ATOX1: variants seen among roughly 807,000 people sequenced by gnomAD.
ATOX1 encodes the protein antioxidant 1 copper chaperone.
In ATOX1, 4 loss-of-function variants were observed where a neutral mutation model predicts 7.3. The observed-to-expected ratio is 0.55, with a 90% CI of 0.27 to 1.25. The LOEUF (loss-of-function observed/expected upper bound fraction) is 1.25. Ranked by LOEUF, ATOX1 falls within the 50% of genes most tolerant of loss-of-function variation. The pLI is 0.12. For synonymous variants in ATOX1, 25 were observed against 28.7 expected, an observed-to-expected ratio of 0.87 and a Z score of 0.41; for missense variants, 68 against 81.6, an observed-to-expected ratio of 0.83 and a Z score of 0.64.
At chr5:151,752,287 A>C (rs1370572460) in intron 1 of ATOX1, 6 of 702,302 alleles carry the variant, frequency 8.5e-6, no homozygotes, top group Non-Finnish European at 1.6e-5. Context: ...TGTTATGTCT[A>C]CTCATTACCC....
chr5:151,748,588 G>A (rs912969955), intron 2 of ATOX1, among the ~76,000 whole-genome samples: 4 of 152,176 alleles, frequency 2.6e-5, no homozygotes, highest in East Asian at 1.9e-4. Context: ...TTGGCCAGGC[G>A]TGGTGGCTCA....
chr5:151,754,743 TG>T (rs1355431488), intron 1 of ATOX1, among the ~76,000 whole-genome samples: 6 of 151,964 alleles, frequency 3.9e-5, no homozygotes, highest in African/African-American at 1.5e-4. Context: ...CCAGCATTTT[TG>T]GGAGGCTGAG....
intron 1 of ATOX1, chr5:151,752,417 C>A: frequency 1.4e-6 from 1 of 696,736 alleles, no homozygotes; most frequent in Non-Finnish European, 2.6e-6. Flanking sequence ...GGATCCCCGG[C>A]TCCTAGTCTT....
chr5:151,757,477 G>A (rs908691771), intron 1 of ATOX1, among the ~76,000 whole-genome samples: 9 of 152,200 alleles, frequency 5.9e-5, no homozygotes, highest in South Asian at 4.1e-4. Context: ...AGACCCACAG[G>A]AAATGACACC....
At chr5:151,753,556 G>A (rs1253265619) in intron 1 of ATOX1, among the ~76,000 whole-genome samples, 1 of 152,162 alleles carries the variant, frequency 6.6e-6, no homozygotes, top group African/African-American at 2.4e-5. Flanking sequence ...TTGGAATCCT[G>A]GGTGTAGTGA....
rs201385831 is a variant in ATOX1 at position 151,756,466 on chromosome 5, CCTT to C, written c.6+2077_6+2079del. On this transcript the variant is annotated intron_variant, in intron 1 of 3. Coordinates refer to ENST00000313115, the MANE Select transcript of ATOX1 (RefSeq NM_004045.4). ...TTCTTTTCTTTCTCTCTCCTTCCTTCCTTTTTTTTTTTTCTTTTGAGACAGGGT... is the reference window on the plus strand; with the variant it reads ...TTCTTTTCTTTCTCTCTCCTTCCTTCTTTTTTTTTTCTTTTGAGACAGGGT... Among the ~76,000 whole-genome samples the C allele has an allele frequency of 5.5e-3, 836 of 150,762 alleles. 12 individuals are homozygous for C. The highest frequency in any genetic ancestry group is 0.02 in the African/African-American group (811 of 40,970).
intron 1 of ATOX1, among the ~76,000 whole-genome samples, chr5:151,754,997 A>AG (rs1561523078): frequency 1.3e-5 from 2 of 151,820 alleles, no homozygotes; most frequent in African/African-American, 4.8e-5. Context: ...AAAAAAAAAA[A>AG]AAAAGAAACA....
chr5:151,750,114 G>T (rs1408874646), intron 2 of ATOX1, among the ~76,000 whole-genome samples: 1 of 152,220 alleles, frequency 6.6e-6, no homozygotes, highest in South Asian at 2.1e-4. Flanking sequence ...GGCTGACTGA[G>T]CACTGGCATT....
chr5:151,746,856 T>C (rs1372294587), intron 2 of ATOX1, among the ~76,000 whole-genome samples: 1 of 151,910 alleles, frequency 6.6e-6, no homozygotes, highest in Non-Finnish European at 1.5e-5. Context: ...GCCTCAGCCT[T>C]TGGAGCAGCT....
At chr5:151,747,069 C>CTTT (rs202117404) in intron 2 of ATOX1, among the ~76,000 whole-genome samples, 1 of 136,694 alleles carries the variant, frequency 7.3e-6, no homozygotes, top group African/African-American at 2.7e-5. Flanking sequence ...AATATAGACA[C>CTTT]TTTTTTTTTT....
At chr5:151,752,425 C>T (rs2113183403) in intron 1 of ATOX1, 1 of 696,356 alleles carries the variant, frequency 1.4e-6, no homozygotes, top group Middle Eastern at 3.5e-4. Flanking sequence ...GGCTCCTAGT[C>T]TTCATGTAAG....
In ATOX1 at chr5:151,757,060, G is replaced by C. The variant is rs28917172; in HGVS notation, c.6+1486C>G. On this transcript the variant is annotated intron_variant, in intron 1 of 3. Coordinates refer to ENST00000313115, the MANE Select transcript of ATOX1 (RefSeq NM_004045.4). ...CCTGTGCTCTCGGGCATTTGTCTGA[G>C]AAAACTCTCAGGTAACACACTCTTC... Among the ~76,000 whole-genome samples, 960 of 152,266 alleles carry C rather than the reference G, an allele frequency of 6.3e-3. 16 individuals carry two copies. Among genetic ancestry groups the C allele is most frequent in the African/African-American group, 0.021 (876 of 41,542 alleles).
At chr5:151,749,522 G>C (rs1761917476) in intron 2 of ATOX1, among the ~76,000 whole-genome samples, 1 of 151,256 alleles carries the variant, frequency 6.6e-6, no homozygotes, top group South Asian at 2.1e-4. Flanking sequence ...GTGGTGGCGG[G>C]CACCTATAAT....
intron 1 of ATOX1, among the ~76,000 whole-genome samples, chr5:151,752,631 C>T (rs1235820177): frequency 6.7e-6 from 1 of 150,146 alleles, no homozygotes; most frequent in Non-Finnish European, 1.5e-5. Flanking sequence ...GGATCTTTTG[C>T]TTTGCTTTCA....
chr5:151,746,289 T>C lies in ATOX1; in HGVS notation c.*36A>G, dbSNP rs758528521. The C allele has an allele frequency of 6.2e-7, 1 of 1,610,522 alleles. No homozygotes were observed. The highest frequency in any genetic ancestry group is 1.1e-5 in the South Asian group (1 of 90,884). Reference sequence around the variant, plus strand: ...TGGGGCCTTACCCACCTGCCCCCTTTGGTCCATCCTGTGGGCTGTGGGGAC... The same window carrying C: ...TGGGGCCTTACCCACCTGCCCCCTTCGGTCCATCCTGTGGGCTGTGGGGAC... On this transcript the variant is annotated 3_prime_UTR_variant, in exon 3 of 4. Transcript: ENST00000313115.
chr5:151,751,714 A>C lies in ATOX1; in HGVS notation c.72T>G (p.Asn24Lys). 1 of 1,606,710 alleles carries C rather than the reference A, an allele frequency of 6.2e-7. No individual in the cohort carries two copies. Among genetic ancestry groups the C allele is most frequent in the Non-Finnish European group, 8.5e-7 (1 of 1,176,836 alleles). The change falls in exon 2 of 4, where the codon AAT becomes AAG. Residue 24 changes from asparagine (N) to lysine (K), a missense_variant. Coordinates refer to ENST00000313115, the MANE Select transcript of ATOX1 (RefSeq NM_004045.4). ...GGGCCACTCACTCACCTCCAAGCTT[A>C]TTGAGGACCCGAGAGACAGCTTCAG... ...GCAEAVSRVLNKLGGVKYDID... is the reference protein window; with the variant it reads ...GCAEAVSRVLKKLGGVKYDID...
At chr5:151,755,126 C>T (rs1435752923) in intron 1 of ATOX1, among the ~76,000 whole-genome samples, 1 of 151,944 alleles carries the variant, frequency 6.6e-6, no homozygotes, top group African/African-American at 2.4e-5. Flanking sequence ...CTATCGGTGC[C>T]GTGTAAAAAA....
intron 2 of ATOX1, among the ~76,000 whole-genome samples, chr5:151,747,560 C>A (rs1761893844): frequency 6.7e-6 from 1 of 149,976 alleles, no homozygotes; most frequent in Non-Finnish European, 1.5e-5. Context: ...GCTGGGACTA[C>A]AGGTGTGAGC....
Position 151,748,128 on chromosome 5 carries a change from A to G in ATOX1, c.83-1679T>C, listed in dbSNP as rs79079435. Among the ~76,000 whole-genome samples, 636 of 152,360 alleles carry G rather than the reference A, an allele frequency of 4.2e-3. 5 individuals carry two copies. Among genetic ancestry groups the G allele is most frequent in the African/African-American group, 0.015 (614 of 41,590 alleles). ...GGCACATTTTGAATGTTTAATAGAC[A>G]TTGCAAAATCGCCCTCCTAAATGGC... On this transcript the variant is annotated intron_variant, in intron 2 of 3. Transcript: ENST00000313115.
Sources: allele counts gnomAD v4.1 joint callset (sites outside exome capture counted in the v4.1 genomes callset), GRCh38; gene constraint gnomAD v4.1.1; transcripts MANE v1.5; gene names NCBI Gene and HGNC (gene_info 2026-07-23, HGNC 2026-07-21).